PDE7B: variants seen among roughly 807,000 people sequenced by gnomAD.
PDE7B encodes the protein phosphodiesterase 7B.
PDE7B carries 29 observed loss-of-function variants against 56.2 expected under a neutral mutation model. The ratio of observed to expected loss-of-function variants is 0.52; its 90% CI spans 0.38 to 0.70. The LOEUF is 0.70. Among genes scored for constraint, PDE7B ranks in the 30% least tolerant of loss-of-function variants. The pLI, the probability that PDE7B is intolerant of heterozygous loss-of-function variation, is 0.00. For missense variants in PDE7B, 490 were observed against 565.0 expected (o/e 0.87, Z 1.35); for synonymous variants, 197 against 196.9 (o/e 1.00, Z 0.00).
rs1778731365 is a variant in PDE7B, at chr6:136,162,880, CTG to C, written c.711+7126_711+7127del. On this transcript the variant is annotated intron_variant, in intron 8 of 12. Transcript: ENST00000308191. ...AGTTCCAAAATGATCTCCTTTGACT[CTG>C]TGTCTCACATCTAGGTCACACCTGA... Among the ~76,000 whole-genome samples, 5 of 152,232 alleles carry C rather than the reference CTG, an allele frequency of 3.3e-5. No homozygotes were observed. The South Asian group carries it at 1.0e-3, about 31-fold the overall frequency.
chr6:135,959,690 G>T (rs1774863235), intron 2 of PDE7B, among the ~76,000 whole-genome samples: 2 of 152,030 alleles, frequency 1.3e-5, no homozygotes, highest in Admixed American at 6.6e-5. Flanking sequence ...AGAGGACTCT[G>T]GGTAACAGTA....
At chr6:136,120,082 A>G (rs1195050767) in intron 3 of PDE7B, among the ~76,000 whole-genome samples, 2 of 152,198 alleles carry the variant, frequency 1.3e-5, no homozygotes, top group Non-Finnish European at 2.9e-5. Flanking sequence ...GCGTGCTTAG[A>G]GTGCTAGTGT....
intron 9 of PDE7B, among the ~76,000 whole-genome samples, chr6:136,175,888 T>C (rs904762555): frequency 3.3e-5 from 5 of 152,152 alleles, no homozygotes; most frequent in Non-Finnish European, 5.9e-5. Context: ...GTATTCCAAC[T>C]GATGGATTGT....
chr6:136,153,202 T>C (rs1369874262), intron 6 of PDE7B, among the ~76,000 whole-genome samples: 2 of 152,178 alleles, frequency 1.3e-5, no homozygotes, highest in African/African-American at 4.8e-5. Context: ...GATACAGATA[T>C]AGATACTTTG....
intron 1 of PDE7B, among the ~76,000 whole-genome samples, chr6:135,920,306 T>C (rs1303452167): frequency 1.3e-5 from 2 of 152,230 alleles, no homozygotes; most frequent in East Asian, 3.8e-4. Flanking sequence ...AAAGTTTAAA[T>C]ATTTAACACC....
At chr6:135,994,381 C>A (rs894174514) in intron 2 of PDE7B, among the ~76,000 whole-genome samples, 3 of 152,176 alleles carry the variant, frequency 2.0e-5, no homozygotes, top group African/African-American at 7.2e-5. Flanking sequence ...TTCTCCTCAA[C>A]AGGGCTGAGT....
At position 135,851,921 on chromosome 6, in the gene PDE7B, C is replaced by A; in HGVS notation, c.-78C>A. ...TGGATGAAGTTGCTGGATTCTGCAG[C>A]ACAAGTCTTCATGAACAAGCAGCAC... is the stretch of plus-strand genomic sequence containing the variant. On this transcript the variant is annotated 5_prime_UTR_variant, in exon 1 of 13. Transcript: ENST00000308191. The A allele has an allele frequency of 1.0e-6, 1 of 994,196 alleles. No individual in the cohort carries two copies. Among genetic ancestry groups the A allele is most frequent in the Non-Finnish European group, 1.6e-6 (1 of 618,772 alleles). The allele number at this position is 994,196 out of a possible 1,614,324, so 61.6% of individuals were successfully genotyped here.
At chr6:135,902,167 A>G (rs1021446739) in intron 1 of PDE7B, among the ~76,000 whole-genome samples, 24 of 152,156 alleles carry the variant, frequency 1.6e-4, no homozygotes, top group African/African-American at 5.6e-4. Flanking sequence ...GTTCTTCTCC[A>G]TACTGTAGTT....
chr6:135,875,997 G>A (rs1488831381), intron 1 of PDE7B, among the ~76,000 whole-genome samples: 1 of 152,080 alleles, frequency 6.6e-6, no homozygotes, highest in African/African-American at 2.4e-5. Context: ...AGAGATTTGG[G>A]GAGGAAAGTG....
chr6:136,183,221 G>T (rs956041282), intron 11 of PDE7B, among the ~76,000 whole-genome samples: 1 of 152,058 alleles, frequency 6.6e-6, no homozygotes, highest in Admixed American at 6.5e-5. Context: ...ATGTTTCCTG[G>T]CAGAGGAAGA....
chr6:135,905,151 T>TA (rs1776074525), intron 1 of PDE7B, among the ~76,000 whole-genome samples: 1 of 152,180 alleles, frequency 6.6e-6, no homozygotes, highest in Non-Finnish European at 1.5e-5. Context: ...GTGTAGCAAA[T>TA]ACAGTTGATT....
At chr6:135,975,460 A>G (rs1775169187) in intron 2 of PDE7B, among the ~76,000 whole-genome samples, 1 of 151,714 alleles carries the variant, frequency 6.6e-6, no homozygotes, top group South Asian at 2.1e-4. Flanking sequence ...GGTCCTTCAA[A>G]GAAAATCTTG....
chr6:135,995,098 C>T (rs1325677414), intron 2 of PDE7B, among the ~76,000 whole-genome samples: 1 of 152,180 alleles, frequency 6.6e-6, no homozygotes, highest in Non-Finnish European at 1.5e-5. Flanking sequence ...GAGGCCAAGT[C>T]CCTTCATGCT....
intron 2 of PDE7B, among the ~76,000 whole-genome samples, chr6:136,049,607 G>A (rs146181722): frequency 2.3e-4 from 35 of 152,330 alleles, no homozygotes; most frequent in East Asian, 1.5e-3. Flanking sequence ...AAGGTTCTGT[G>A]ATGGACTGAT....
chr6:136,161,319 T>C (rs1453632216), intron 8 of PDE7B, among the ~76,000 whole-genome samples: 1 of 152,230 alleles, frequency 6.6e-6, no homozygotes, highest in Non-Finnish European at 1.5e-5. Flanking sequence ...AGATGTCCAC[T>C]TCCCAGACAG....
At chr6:135,941,830 T>A (rs1270972879) in intron 1 of PDE7B, among the ~76,000 whole-genome samples, 1 of 152,224 alleles carries the variant, frequency 6.6e-6, no homozygotes, top group African/African-American at 2.4e-5. Context: ...TTTTATTTGT[T>A]TGCTAATGTT....
intron 3 of PDE7B, among the ~76,000 whole-genome samples, chr6:136,110,294 C>A (rs1381730623): frequency 3.9e-5 from 6 of 152,124 alleles, no homozygotes; most frequent in Non-Finnish European, 7.4e-5. Context: ...TTTCCTTATA[C>A]CCTGAATGGG....
chr6:136,056,302 G>A (rs1036177509), intron 2 of PDE7B, among the ~76,000 whole-genome samples: 7 of 152,186 alleles, frequency 4.6e-5, no homozygotes, highest in African/African-American at 7.2e-5. Flanking sequence ...GCCAAGATAT[G>A]TGCATACACA....
intron 3 of PDE7B, among the ~76,000 whole-genome samples, chr6:136,138,683 C>T (rs1311603254): frequency 6.6e-6 from 1 of 151,980 alleles, no homozygotes; most frequent in Non-Finnish European, 1.5e-5. Flanking sequence ...TAAAGGATAA[C>T]CCAGATAGAA....
Sources: allele counts gnomAD v4.1 joint callset (sites outside exome capture counted in the v4.1 genomes callset), GRCh38; gene constraint gnomAD v4.1.1; transcripts MANE v1.5; gene names NCBI Gene and HGNC (gene_info 2026-07-23, HGNC 2026-07-21).